CENPP: variants seen among roughly 807,000 people sequenced by gnomAD.
CENPP encodes centromere protein P.
CENPP carries 24 observed loss-of-function variants against 35.6 expected under a neutral mutation model. That is an observed-to-expected ratio of 0.67 (90% CI 0.49 to 0.95). The LOEUF (loss-of-function observed/expected upper bound fraction) is 0.95. CENPP is among the 40% of genes least tolerant of loss of function. The probability of loss-of-function intolerance (pLI) is 0.00; values close to 1 mark genes in which losing one functional copy is unlikely to be tolerated. For missense variants in CENPP, 332 were observed against 345.3 expected (o/e 0.96, Z 0.31); for synonymous variants, 120 against 125.5 (o/e 0.96, Z 0.29).
intron 5 of CENPP, among the ~76,000 whole-genome samples, chr9:92,508,316 G>A (rs975429617): frequency 1.1e-4 from 17 of 152,216 alleles, no homozygotes; most frequent in East Asian, 3.8e-4. Flanking sequence ...TCGGGTGCTC[G>A]GACTGTGGAG....
rs184129927 is a variant in CENPP, at chr9:92,545,741, G to A, written c.565-65573G>A. Among the ~76,000 whole-genome samples, 488 of 152,308 alleles carry A rather than the reference G, an allele frequency of 3.2e-3. 1 individual carries two copies. The highest frequency in any genetic ancestry group is 8.4e-3 in the Admixed American group (129 of 15,302). ...GGGCTCTTGAGTCTAGTGGGGATTT[G>A]GAGAACCTTTATGTCTAGCTAAGGG... On this transcript the variant is annotated intron_variant, in intron 5 of 7. Transcript: ENST00000375587.
chr9:92,593,931 C>T lies in CENPP; in HGVS notation c.565-17383C>T, dbSNP rs1850719442. Among the ~76,000 whole-genome samples, 1 of 152,138 alleles carries T rather than the reference C, an allele frequency of 6.6e-6. No homozygotes were observed. The highest frequency in any genetic ancestry group is 1.5e-5 in the Non-Finnish European group (1 of 68,024). On this transcript the variant is annotated intron_variant, in intron 5 of 7. Coordinates refer to ENST00000375587, the MANE Select transcript of CENPP (RefSeq NM_001012267.3). The surrounding 1 kb of genome is among the most constrained non-coding windows in gnomAD (Gnocchi z 4.1). ...ACGAATCTCAAAGGTAATATGATAT[C>T]CTGGATGGGAATCCTGGAACAGAAG...
chr9:92,440,678 G>A (rs1264834968), intron 5 of CENPP, among the ~76,000 whole-genome samples: 2 of 152,182 alleles, frequency 1.3e-5, no homozygotes, highest in African/African-American at 2.4e-5. Context: ...CTCAAACTGC[G>A]AAAGTTATGA....
chr9:92,478,989 A>G (rs1845815244), intron 5 of CENPP, among the ~76,000 whole-genome samples: 2 of 152,264 alleles, frequency 1.3e-5, no homozygotes, highest in African/African-American at 4.8e-5. Context: ...GACTGGCCTC[A>G]GCTCCTTTGC....
At chr9:92,552,817 T>G (rs1431003836) in intron 5 of CENPP, among the ~76,000 whole-genome samples, 5 of 152,198 alleles carry the variant, frequency 3.3e-5, no homozygotes, top group Non-Finnish European at 7.4e-5. Flanking sequence ...TGACTGTTCC[T>G]TTTGCCGTGC....
At chr9:92,517,329 A>C in intron 5 of CENPP, 1 of 371,024 alleles carries the variant, frequency 2.7e-6, no homozygotes. Flanking sequence ...GTTGCACTGG[A>C]TTAAGTGGGA....
At chr9:92,588,198 TAAA>T (rs1277154353) in intron 5 of CENPP, among the ~76,000 whole-genome samples, 1 of 151,982 alleles carries the variant, frequency 6.6e-6, no homozygotes, top group Non-Finnish European at 1.5e-5. Context: ...AGTATAAAAA[TAAA>T]AATTTAAAGA....
rs759299671 is a variant in CENPP at position 92,474,775 on chromosome 9, A to G, written c.564+94916A>G. ...CATCATCATCATCATCATCATCATC[A>G]TCATCATCATCTGTGTCTTCCATAT... is the stretch of plus-strand genomic sequence containing the variant. On this transcript the variant is annotated intron_variant, in intron 5 of 7. Transcript: ENST00000375587. The G allele has an allele frequency of 5.6e-6, 9 of 1,612,262 alleles. No homozygotes were observed. The Admixed American group carries it at 1.5e-4, about 27-fold the overall frequency.
intron 5 of CENPP, chr9:92,515,000 C>G (rs755933620): frequency 6.2e-7 from 1 of 1,614,138 alleles, no homozygotes; most frequent in Admixed American, 1.7e-5. Flanking sequence ...TCAGGGGTCT[C>G]TCTCTTTTGC....
At chr9:92,394,100 A>G (rs973884831) in intron 5 of CENPP, among the ~76,000 whole-genome samples, 2 of 152,164 alleles carry the variant, frequency 1.3e-5, no homozygotes, top group African/African-American at 4.8e-5. Flanking sequence ...TCCATTGATG[A>G]TTCTTACCCG....
intron 3 of CENPP, among the ~76,000 whole-genome samples, chr9:92,342,526 G>A (rs899127744): frequency 6.6e-6 from 1 of 152,248 alleles, no homozygotes; most frequent in Non-Finnish European, 1.5e-5. Flanking sequence ...CAGAAAGAGT[G>A]TGTTCTCCCT....
chr9:92,526,975 C>T (rs1848453574), intron 5 of CENPP, among the ~76,000 whole-genome samples: 1 of 152,028 alleles, frequency 6.6e-6, no homozygotes, highest in South Asian at 2.1e-4. Flanking sequence ...ATATTCTTAC[C>T]ATACCTTTCC....
chr9:92,419,578 C>T (rs535975103), intron 5 of CENPP, among the ~76,000 whole-genome samples: 3 of 152,228 alleles, frequency 2.0e-5, no homozygotes, highest in Admixed American at 6.5e-5. Context: ...GGATTACGGG[C>T]GTGAGCCACT....
chr9:92,598,403 G>C (rs957572959), intron 5 of CENPP, among the ~76,000 whole-genome samples: 1 of 152,234 alleles, frequency 6.6e-6, no homozygotes, highest in African/African-American at 2.4e-5. Flanking sequence ...TTTCCAGTGA[G>C]AAAACCCTCC....
intron 5 of CENPP, among the ~76,000 whole-genome samples, chr9:92,489,593 T>C (rs112968793): frequency 2.6e-5 from 4 of 152,326 alleles, no homozygotes; most frequent in African/African-American, 9.6e-5. Context: ...AACTTAATTG[T>C]CTTTCCTATG....
intron 5 of CENPP, chr9:92,403,550 C>T (rs549978228): frequency 1.2e-5 from 16 of 1,368,462 alleles, no homozygotes; most frequent in East Asian, 5.2e-5. Context: ...GCAGGGTGTG[C>T]GCAGTAAGGG....
intron 5 of CENPP, among the ~76,000 whole-genome samples, chr9:92,442,417 G>C (rs200331649): frequency 3.6e-4 from 39 of 107,422 alleles, no homozygotes; most frequent in African/African-American, 1.0e-3. Context: ...AAAAAAAAAA[G>C]AAAAAACAAA....
chr9:92,514,236 A>T (rs1040174486), intron 5 of CENPP, among the ~76,000 whole-genome samples: 2 of 150,514 alleles, frequency 1.3e-5, no homozygotes, highest in South Asian at 4.2e-4. Context: ...AGCTGGGACT[A>T]CAAGTGTATA....
intron 5 of CENPP, among the ~76,000 whole-genome samples, chr9:92,418,097 T>C (rs1299578676): frequency 2.0e-5 from 3 of 151,860 alleles, no homozygotes; most frequent in South Asian, 2.1e-4. Flanking sequence ...CTTTTTCTTT[T>C]TATTTTTGAG....
Sources: gnomAD v4.1 joint callset for allele counts (sites outside exome capture counted in the v4.1 genomes callset) on GRCh38, gnomAD v4.1.1 for gene constraint, Gnocchi (gnomAD v3.1) non-coding constraint, MANE v1.5 for transcripts, NCBI Gene and HGNC (gene_info 2026-07-23, HGNC 2026-07-21) for gene names.